Variants in SLC8A1 observed in about 807,000 individuals in gnomAD.
SLC8A1 encodes the protein sodium/calcium exchanger 1.
In SLC8A1, 18 loss-of-function variants were observed where a neutral mutation model predicts 68.3. The observed-to-expected ratio is 0.26, with a 90% CI of 0.18 to 0.39. The LOEUF is 0.39. Among genes scored for constraint, SLC8A1 ranks in the 10% least tolerant of loss-of-function variants. The probability of loss-of-function intolerance (pLI) is 1.00; values close to 1 mark genes in which losing one functional copy is unlikely to be tolerated. For synonymous variants in SLC8A1, 475 were observed against 415.5 expected, an observed-to-expected ratio of 1.14 and a Z score of -1.74; for missense variants, 985 against 1,156.7, an observed-to-expected ratio of 0.85 and a Z score of 2.15.
intron 2 of SLC8A1, among the ~76,000 whole-genome samples, chr2:40,350,417 G>A (rs925906349): frequency 6.6e-6 from 1 of 151,922 alleles, no homozygotes; most frequent in African/African-American, 2.4e-5. Flanking sequence ...GAAGGTTGAC[G>A]CTGCAATGAA....
chr2:40,305,639 C>A (rs1164799032), intron 2 of SLC8A1, among the ~76,000 whole-genome samples: 1 of 152,186 alleles, frequency 6.6e-6, no homozygotes, highest in African/African-American at 2.4e-5. Context: ...GATGTCCCCA[C>A]ACTTCCTATA....
At chr2:40,271,213 C>G (rs1281587075) in intron 2 of SLC8A1, among the ~76,000 whole-genome samples, 1 of 151,850 alleles carries the variant, frequency 6.6e-6, no homozygotes, top group African/African-American at 2.4e-5. Context: ...ATCTGGCTCA[C>G]TACTCCTCTC....
chr2:40,421,378 G>A (rs1336897838), intron 2 of SLC8A1, among the ~76,000 whole-genome samples: 1 of 152,128 alleles, frequency 6.6e-6, no homozygotes, highest in African/African-American at 2.4e-5. Flanking sequence ...ATCCTCCTAA[G>A]CCCATCTTTA....
At chr2:40,219,140 G>A (rs1182659358) in intron 2 of SLC8A1, among the ~76,000 whole-genome samples, 7 of 152,154 alleles carry the variant, frequency 4.6e-5, no homozygotes, top group Admixed American at 1.3e-4. Flanking sequence ...CAAGTTTTGT[G>A]CCCCTTTCAA....
At chr2:40,238,451 C>A (rs1168810959) in intron 2 of SLC8A1, among the ~76,000 whole-genome samples, 1 of 151,694 alleles carries the variant, frequency 6.6e-6, no homozygotes, top group Non-Finnish European at 1.5e-5. Flanking sequence ...GCAATGCTCG[C>A]CCTGCTTCGG....
chr2:40,164,792 C>T, intron 5 of SLC8A1, 62 bp downstream of exon 8: 2 of 1,598,658 alleles, frequency 1.3e-6, no homozygotes, highest in Non-Finnish European at 1.7e-6. Flanking sequence ...TTGGCCAACC[C>T]TATGAACAGT....
chr2:40,131,016 G>A (rs1017264093), intron 7 of SLC8A1, among the ~76,000 whole-genome samples: 2 of 102,442 alleles, frequency 2.0e-5, no homozygotes, highest in African/African-American at 8.0e-5. Flanking sequence ...GTTTATCAGT[G>A]CATTGAAATA....
intron 2 of SLC8A1, among the ~76,000 whole-genome samples, chr2:40,422,541 C>G (rs1695812166): frequency 6.6e-6 from 1 of 152,116 alleles, no homozygotes; most frequent in African/African-American, 2.4e-5. Flanking sequence ...CAAAGAAAAC[C>G]TCTTCCCATT....
chr2:40,418,513 A>G (rs113793048), intron 2 of SLC8A1, among the ~76,000 whole-genome samples: 9 of 152,260 alleles, frequency 5.9e-5, no homozygotes, highest in African/African-American at 1.4e-4. Context: ...TGAGCCTAAG[A>G]CCTCAAAAGC....
chr2:40,288,138 G>A (rs558585312), intron 2 of SLC8A1, among the ~76,000 whole-genome samples: 1 of 152,024 alleles, frequency 6.6e-6, no homozygotes, highest in African/African-American at 2.4e-5. Flanking sequence ...AGTGCCTTGG[G>A]GTTTGCATTC....
intron 1 of SLC8A1, among the ~76,000 whole-genome samples, chr2:40,484,159 C>G (rs1704806200): frequency 6.6e-6 from 1 of 152,180 alleles, no homozygotes; most frequent in African/African-American, 2.4e-5. Flanking sequence ...CAGGCTGTCC[C>G]TTTGGGAGAA....
intron 2 of SLC8A1, among the ~76,000 whole-genome samples, chr2:40,253,341 T>C (rs954784267): frequency 6.6e-6 from 1 of 151,462 alleles, no homozygotes; most frequent in Non-Finnish European, 1.5e-5. Flanking sequence ...TGTATATATA[T>C]ACACACACAA....
intron 2 of SLC8A1, among the ~76,000 whole-genome samples, chr2:40,232,612 T>A (rs75953057): frequency 6.7e-5 from 10 of 150,212 alleles, no homozygotes; most frequent in East Asian, 1.9e-4. Flanking sequence ...TTTTTTTTTT[T>A]TATATACTTT....
chr2:40,365,793 G>A (rs1309420672), intron 2 of SLC8A1, among the ~76,000 whole-genome samples: 1 of 151,904 alleles, frequency 6.6e-6, no homozygotes, highest in Non-Finnish European at 1.5e-5. Context: ...TTGAGGCCAG[G>A]AGTTCAAGAC....
At chr2:40,421,805 A>T (rs572183451) in intron 2 of SLC8A1, among the ~76,000 whole-genome samples, 1 of 152,220 alleles carries the variant, frequency 6.6e-6, no homozygotes. Context: ...GCCTGGCTCT[A>T]TAGTGAAACA....
chr2:40,374,919 G>A (rs1358268724), intron 2 of SLC8A1, among the ~76,000 whole-genome samples: 1 of 151,984 alleles, frequency 6.6e-6, no homozygotes, highest in African/African-American at 2.4e-5. Context: ...CACTAAAAAG[G>A]AGCCCCTTAT....
intron 7 of SLC8A1, chr2:40,118,607 G>GTTTTTTTTTT (rs67851517): frequency 2.7e-5 from 2 of 74,712 alleles, no homozygotes; most frequent in African/African-American, 5.4e-5. Context: ...AAAAAAGGAA[G>GTTTTTTTTTT]TTTTTTTTTT....
At chr2:40,212,778 G>A (rs544219727) in intron 2 of SLC8A1, among the ~76,000 whole-genome samples, 55 of 152,172 alleles carry the variant, frequency 3.6e-4, no homozygotes, top group South Asian at 2.3e-3. Context: ...CAAATTCTTG[G>A]GCAGAGTATT....
At chr2:40,304,846 G>A (rs929679317) in intron 2 of SLC8A1, among the ~76,000 whole-genome samples, 31 of 152,164 alleles carry the variant, frequency 2.0e-4, no homozygotes, top group Non-Finnish European at 4.4e-4. Flanking sequence ...CGCCAGAGAT[G>A]AACCCAGGTG....
Sources: allele counts gnomAD v4.1 joint callset (sites outside exome capture counted in the v4.1 genomes callset), GRCh38; gene constraint gnomAD v4.1.1; transcripts MANE v1.5; gene names NCBI Gene and HGNC (gene_info 2026-07-23, HGNC 2026-07-21).